ZNF804B: variants seen among roughly 807,000 people sequenced by gnomAD.
The protein encoded by ZNF804B is zinc finger protein 804B.
ZNF804B carries 80 observed loss-of-function variants against 101.4 expected under a neutral mutation model. The ratio of observed to expected loss-of-function variants is 0.79; its 90% CI spans 0.66 to 0.95. The LOEUF (loss-of-function observed/expected upper bound fraction) is 0.95. Among genes scored for constraint, ZNF804B ranks in the 40% least tolerant of loss-of-function variants. The pLI is 0.00. For missense variants in ZNF804B, 1,673 were observed against 1,561.9 expected, an observed-to-expected ratio of 1.07 and a Z score of -1.20; for synonymous variants, 622 against 558.8, an observed-to-expected ratio of 1.11 and a Z score of -1.59.
At chr7:89,092,958 A>T (rs1789917852) in intron 1 of ZNF804B, among the ~76,000 whole-genome samples, 1 of 152,160 alleles carries the variant, frequency 6.6e-6, no homozygotes, top group Non-Finnish European at 1.5e-5. Flanking sequence ...TTCCTGAAAG[A>T]GCAAGGGAAT....
intron 2 of ZNF804B, among the ~76,000 whole-genome samples, chr7:89,280,060 C>G (rs2115866010): frequency 6.6e-6 from 1 of 152,264 alleles, no homozygotes; most frequent in Admixed American, 6.5e-5. Flanking sequence ...CAAACTATCT[C>G]TCAGACCACA....
intron 1 of ZNF804B, among the ~76,000 whole-genome samples, chr7:88,854,435 C>CT (rs1369011140): frequency 2.4e-5 from 3 of 123,710 alleles, no homozygotes; most frequent in Admixed American, 1.7e-4. Context: ...TTCTTTCTTT[C>CT]TTTCTTTCTT....
chr7:88,770,694 C>T (rs1014137932), intron 1 of ZNF804B, among the ~76,000 whole-genome samples: 4 of 152,088 alleles, frequency 2.6e-5, no homozygotes, highest in Admixed American at 2.0e-4. Context: ...CCTGTCTCTG[C>T]GCAAATGTCC....
intron 2 of ZNF804B, among the ~76,000 whole-genome samples, chr7:89,238,139 A>G (rs1789312732): frequency 6.6e-6 from 1 of 152,122 alleles, no homozygotes; most frequent in African/African-American, 2.4e-5. Context: ...ATCAAAGCAC[A>G]AGTAAAGCAG....
chr7:88,795,017 T>C, intron 1 of ZNF804B: 1 of 1,255,874 alleles, frequency 8.0e-7, no homozygotes, highest in South Asian at 1.9e-5. Context: ...AGGGTACCTC[T>C]TTACTGATGA....
At position 89,094,673 on chromosome 7, in the gene ZNF804B, C is replaced by T. The variant is rs189301460; in HGVS notation, c.109-123482C>T. 3.5e-3 allele frequency among the ~76,000 whole-genome samples: 400 copies of T among 114,838 alleles called. 2 individuals carry two copies. The highest frequency in any genetic ancestry group is 0.012 in the African/African-American group (379 of 32,656). 75.3% of individuals were successfully genotyped at this position (114,838 alleles called of 152,430 possible). On this transcript the variant is annotated intron_variant, in intron 1 of 3. Coordinates refer to ENST00000333190, the MANE Select transcript of ZNF804B (RefSeq NM_181646.5). The stretch of plus-strand genomic sequence containing the variant: ...GATGAAAACCAAAGAGTTGTTTATA[C>T]ATTTTTTTTTCAGTTTGTAGACTTT...
At chr7:89,239,742 C>T (rs1357767624) in intron 2 of ZNF804B, among the ~76,000 whole-genome samples, 1 of 151,580 alleles carries the variant, frequency 6.6e-6, no homozygotes, top group Non-Finnish European at 1.5e-5. Context: ...GAAGTTTCGC[C>T]TATAATTTTA....
chr7:88,842,315 T>G (rs1791302237), intron 1 of ZNF804B, among the ~76,000 whole-genome samples: 1 of 152,178 alleles, frequency 6.6e-6, no homozygotes, highest in South Asian at 2.1e-4. Flanking sequence ...GCTTCAGCCA[T>G]TGTCATTTGT....
At chr7:89,192,093 C>T (rs1004635455) in intron 1 of ZNF804B, among the ~76,000 whole-genome samples, 1 of 151,994 alleles carries the variant, frequency 6.6e-6, no homozygotes, top group African/African-American at 2.4e-5. Context: ...ATAAATTAGA[C>T]TTATCATTAA....
At chr7:88,965,144 A>G (rs1716997898) in intron 1 of ZNF804B, among the ~76,000 whole-genome samples, 1 of 151,506 alleles carries the variant, frequency 6.6e-6, no homozygotes, top group African/African-American at 2.4e-5. Context: ...GTAAAACAAT[A>G]TCTTCATTCT....
chr7:88,866,883 A>G (rs1010007562), intron 1 of ZNF804B, among the ~76,000 whole-genome samples: 1 of 152,216 alleles, frequency 6.6e-6, no homozygotes, highest in Non-Finnish European at 1.5e-5. Flanking sequence ...TTGGCTTCTG[A>G]TAATGACCCT....
At chr7:88,944,740 C>T (rs1214229276) in intron 1 of ZNF804B, among the ~76,000 whole-genome samples, 1 of 151,524 alleles carries the variant, frequency 6.6e-6, no homozygotes, top group Non-Finnish European at 1.5e-5. Flanking sequence ...GTTGAGCATC[C>T]CTAATTTTAA....
intron 1 of ZNF804B, among the ~76,000 whole-genome samples, chr7:89,016,079 G>A (rs1788550745): frequency 6.6e-6 from 1 of 152,168 alleles, no homozygotes; most frequent in African/African-American, 2.4e-5. Flanking sequence ...GCATTTCTCT[G>A]ATAGCCAGTG....
chr7:88,773,107 C>G (rs900272751), intron 1 of ZNF804B, among the ~76,000 whole-genome samples: 2 of 152,132 alleles, frequency 1.3e-5, no homozygotes, highest in Non-Finnish European at 2.9e-5. Context: ...CCAATTAATT[C>G]CACCTCTAAG....
rs1356788677 is a variant in ZNF804B, at chr7:88,782,104, T to C, written c.108+22020T>C. Among the ~76,000 whole-genome samples, 3 of 73,856 alleles carry C rather than the reference T, an allele frequency of 4.1e-5. No individual in the cohort carries two copies. In the East Asian group the frequency reaches 2.7e-3, roughly 67 times the overall value. 48.5% of individuals were successfully genotyped at this position (73,856 alleles called of 152,430 possible). A position where few individuals can be genotyped will look rare whatever the true frequency, so the allele number is the denominator to read the frequency against. ...CTATCCCAGCTTTTGTGTGAGTGCGTGTGTGTGTGTGTGTGTGTGTGTGTG... is the reference window on the plus strand; with the variant it reads ...CTATCCCAGCTTTTGTGTGAGTGCGCGTGTGTGTGTGTGTGTGTGTGTGTG... On this transcript the variant is annotated intron_variant, in intron 1 of 3. Transcript: ENST00000333190.
At chr7:88,827,266 T>C (rs919037471) in intron 1 of ZNF804B, among the ~76,000 whole-genome samples, 7 of 151,776 alleles carry the variant, frequency 4.6e-5, no homozygotes, top group Non-Finnish European at 7.4e-5. Flanking sequence ...TAGGGAACTT[T>C]AAAAATTTTT....
At chr7:89,302,115 A>T (rs1033308746) in intron 2 of ZNF804B, among the ~76,000 whole-genome samples, 9 of 152,018 alleles carry the variant, frequency 5.9e-5, no homozygotes, top group African/African-American at 1.9e-4. Flanking sequence ...CATGTTCATT[A>T]TCATAACCAA....
At chr7:89,222,403 A>G (rs141264442) in intron 2 of ZNF804B, among the ~76,000 whole-genome samples, 3 of 151,888 alleles carry the variant, frequency 2.0e-5, no homozygotes. Flanking sequence ...CCTGTTCCAC[A>G]CCAATCCATC....
At chr7:88,874,615 G>A (rs1189936206) in intron 1 of ZNF804B, among the ~76,000 whole-genome samples, 3 of 151,828 alleles carry the variant, frequency 2.0e-5, no homozygotes, top group African/African-American at 4.8e-5. Context: ...GTTTGTCATA[G>A]ATAGCTCTTA....
Sources: gnomAD v4.1 joint callset for allele counts (sites outside exome capture counted in the v4.1 genomes callset) on GRCh38, gnomAD v4.1.1 for gene constraint, MANE v1.5 for transcripts, NCBI Gene and HGNC (gene_info 2026-07-23, HGNC 2026-07-21) for gene names.